The following COL11A1 variants were observed in gnomAD, a reference collection of about 807,000 sequenced individuals.
COL11A1 encodes the protein collagen type XI alpha 1 chain, also known as collagen alpha-1(XI) chain.
Under a neutral mutation model 265.2 loss-of-function variants are expected in COL11A1, and 74 were observed. That is an observed-to-expected ratio of 0.28 (90% confidence interval 0.23 to 0.34). COL11A1 has a LOEUF of 0.34. Among genes scored for constraint, COL11A1 ranks in the 10% least tolerant of loss-of-function variants. The pLI, the probability that COL11A1 is intolerant of heterozygous loss-of-function variation, is 1.00. For missense variants in COL11A1, 2,165 were observed against 2,263.6 expected (o/e 0.96, Z 0.88); for synonymous variants, 816 against 727.6 (o/e 1.12, Z -1.96).
intron 65 of COL11A1, among the ~76,000 whole-genome samples, chr1:102,881,118 T>A (rs1199491886): frequency 6.6e-6 from 1 of 152,090 alleles, no homozygotes; most frequent in African/African-American, 2.4e-5. Flanking sequence ...ACACTTTAAA[T>A]TCAATAACTT....
intron 11 of COL11A1, among the ~76,000 whole-genome samples, chr1:103,017,571 A>G (rs374294959): frequency 2.6e-5 from 4 of 152,296 alleles, no homozygotes; most frequent in African/African-American, 9.6e-5. Flanking sequence ...TAATGAGTTC[A>G]TATCAATATG....
intron 30 of COL11A1, among the ~76,000 whole-genome samples, chr1:102,986,502 T>C (rs1034467277): frequency 3.3e-5 from 5 of 151,966 alleles, no homozygotes; most frequent in Non-Finnish European, 7.4e-5. Flanking sequence ...ACATGGCACA[T>C]GTATACATAT....
intron 57 of COL11A1, among the ~76,000 whole-genome samples, chr1:102,891,351 CT>C (rs2100870695): frequency 6.6e-6 from 1 of 151,960 alleles, no homozygotes; most frequent in African/African-American, 2.4e-5. Flanking sequence ...TAAATTGCAC[CT>C]CATATCTAAA....
intron 42 of COL11A1, among the ~76,000 whole-genome samples, chr1:102,941,247 T>C (rs944909660): frequency 7.9e-5 from 12 of 152,132 alleles, no homozygotes; most frequent in Non-Finnish European, 1.2e-4. Context: ...TTGAATATAT[T>C]GACTTTATCT....
At chr1:102,998,515 A>G (rs1664839484) in intron 24 of COL11A1, 152 bp from the exon 25 acceptor site, 2 of 499,174 alleles carry the variant, frequency 4.0e-6, no homozygotes, top group East Asian at 6.8e-5. Flanking sequence ...TATTATTTGG[A>G]GGAAATGCCA....
intron 57 of COL11A1, among the ~76,000 whole-genome samples, chr1:102,897,216 G>A (rs1036561102): frequency 6.6e-6 from 1 of 151,898 alleles, no homozygotes; most frequent in African/African-American, 2.4e-5. Context: ...AATGAACTGT[G>A]AATCCCAGTT....
intron 54 of COL11A1, among the ~76,000 whole-genome samples, chr1:102,900,499 C>T (rs2100935947): frequency 6.6e-6 from 1 of 152,048 alleles, no homozygotes; most frequent in Non-Finnish European, 1.5e-5. Flanking sequence ...ATAGCTTTTC[C>T]TTATTCAATG....
At chr1:102,968,378 G>T (rs539328369) in intron 37 of COL11A1, among the ~76,000 whole-genome samples, 1 of 152,054 alleles carries the variant, frequency 6.6e-6, no homozygotes, top group Non-Finnish European at 1.5e-5. Flanking sequence ...GACAAATTTG[G>T]GTCATTTCAA....
At chr1:103,065,522 C>CAAAAAAAAAAA (rs138446065) in intron 4 of COL11A1, among the ~76,000 whole-genome samples, 1 of 35,358 alleles carries the variant, frequency 2.8e-5, no homozygotes. Flanking sequence ...GACTCCGTCT[C>CAAAAAAAAAAA]AAAAAAAAAA....
intron 13 of COL11A1, 38 bp from the exon 14 acceptor site, chr1:103,012,507 C>A (rs765799118): frequency 2.0e-6 from 3 of 1,499,398 alleles, no homozygotes; most frequent in Non-Finnish European, 2.8e-6. Flanking sequence ...TAATATTCTC[C>A]TGGAAGAGCA....
chr1:102,989,455 A>G, intron 29 of COL11A1, 63 bp downstream of exon 29: 1 of 1,003,340 alleles, frequency 1.0e-6, no homozygotes, highest in Non-Finnish European at 1.4e-6. Context: ...AAAGATAAGC[A>G]AAGGAAAAAA....
intron 12 of COL11A1, among the ~76,000 whole-genome samples, 195 bp downstream of exon 12, chr1:103,015,473 G>C (rs1666486392): frequency 6.6e-6 from 1 of 151,982 alleles, no homozygotes; most frequent in Non-Finnish European, 1.5e-5. Context: ...TGAATTCTTA[G>C]TTTTAATGCA....
intron 31 of COL11A1, among the ~76,000 whole-genome samples, chr1:102,980,178 T>G (rs1192222580): frequency 6.6e-6 from 1 of 152,072 alleles, no homozygotes; most frequent in Non-Finnish European, 1.5e-5. Flanking sequence ...TTACAGGTAA[T>G]TTGAAATTTG....
chr1:103,056,349 G>A (rs1003416917), intron 4 of COL11A1, among the ~76,000 whole-genome samples: 6 of 152,096 alleles, frequency 3.9e-5, no homozygotes, highest in Non-Finnish European at 8.8e-5. Flanking sequence ...TTAAGGAATT[G>A]AACTGAAATT....
intron 1 of COL11A1, among the ~76,000 whole-genome samples, chr1:103,094,943 T>A (rs559617801): frequency 6.6e-6 from 1 of 152,168 alleles, no homozygotes; most frequent in African/African-American, 2.4e-5. Context: ...TCTGAATTTA[T>A]CTTTGATTAA....
At chr1:103,047,232 C>T (rs1477374723) in intron 4 of COL11A1, among the ~76,000 whole-genome samples, 3 of 152,136 alleles carry the variant, frequency 2.0e-5, no homozygotes, top group African/African-American at 7.2e-5. Context: ...ATTTTTCCTA[C>T]CCATGAGCAT....
At chr1:103,009,680 C>T (rs1053594674) in intron 14 of COL11A1, among the ~76,000 whole-genome samples, 1 of 152,006 alleles carries the variant, frequency 6.6e-6, no homozygotes, top group African/African-American at 2.4e-5. Context: ...AATACTACAT[C>T]GTATAAAGTA....
In COL11A1 at chr1:102,940,420, G is replaced by T. The variant is rs774934190; in HGVS notation, c.3291C>A (p.Pro1097=). The T allele has an allele frequency of 1.9e-6, 3 of 1,613,466 alleles. No homozygotes were observed. The highest frequency in any genetic ancestry group is 1.6e-4 in the Middle Eastern group (1 of 6,082). Residue 1097 remains proline (P), a synonymous_variant, in exon 43 of 67, where the codon CCC becomes CCA. Transcript: ENST00000370096. ...CTCCATCTCTCCCTGCAGGCCCTTG[G>T]GGACCTTTTTCTCCCTGTATTGAAT... ...GEKGAPGEKG[P]QGPAGRDGVQ...
rs1255289347 is a variant in COL11A1 at position 103,091,004 on chromosome 1, AG to A, written c.107-8033del. Reference sequence around the variant, plus strand: ...AGGAGGTTTCCTGGAATTTAGCTTAAGCAACCAAATAGATCTTAAATCTATA... The same window carrying A: ...AGGAGGTTTCCTGGAATTTAGCTTAACAACCAAATAGATCTTAAATCTATA... On this transcript the variant is annotated intron_variant, in intron 1 of 66. Transcript: ENST00000370096. 5.9e-5 allele frequency among the ~76,000 whole-genome samples: 9 copies of A among 152,244 alleles called. No homozygotes were observed. The East Asian group carries it at 1.5e-3, about 26-fold the overall frequency.
Sources: gnomAD v4.1 joint callset for allele counts (sites outside exome capture counted in the v4.1 genomes callset) on GRCh38, gnomAD v4.1.1 for gene constraint, MANE v1.5 for transcripts, NCBI Gene and HGNC (gene_info 2026-07-23, HGNC 2026-07-21) for gene names.